The following P3H2 variants were observed in gnomAD, a reference collection of about 807,000 sequenced individuals.
P3H2 encodes the protein leprecan-like 1.
P3H2 carries 80 observed loss-of-function variants against 87.0 expected under a neutral mutation model. That is an observed-to-expected ratio of 0.92 (90% CI 0.77 to 1.11). The LOEUF (loss-of-function observed/expected upper bound fraction) is 1.11, where lower values mean the gene tolerates loss of function less well. Among genes scored for constraint, P3H2 ranks in the 50% least tolerant of loss-of-function variants. The probability of loss-of-function intolerance (pLI) is 0.00; values close to 1 mark genes in which losing one functional copy is unlikely to be tolerated. For synonymous variants in P3H2, 367 were observed against 359.3 expected (o/e 1.02, Z -0.24); for missense variants, 1,001 against 923.9 (o/e 1.08, Z -1.08).
At chr3:189,963,646 G>A (rs138581600) in intron 14 of P3H2, 3 of 317,476 alleles carry the variant, frequency 9.4e-6, no homozygotes, top group Non-Finnish European at 1.8e-5. Flanking sequence ...GTTTCAGCAT[G>A]TTGATCAGGC....
intron 1 of P3H2, among the ~76,000 whole-genome samples, chr3:190,046,366 C>G (rs1234939131): frequency 6.6e-6 from 1 of 152,152 alleles, no homozygotes; most frequent in Non-Finnish European, 1.5e-5. Flanking sequence ...GACATAATCC[C>G]TTTATTTCTG....
chr3:190,106,333 C>A (rs1331449684), intron 1 of P3H2, among the ~76,000 whole-genome samples: 1 of 152,108 alleles, frequency 6.6e-6, no homozygotes. Context: ...GCAGGTAAGT[C>A]TGTGCTACAG....
chr3:189,969,528 G>C (rs1281084591), intron 13 of P3H2: 2 of 1,207,440 alleles, frequency 1.7e-6, no homozygotes, highest in Non-Finnish European at 2.5e-6. Context: ...TCAATGAACT[G>C]ATCAATAATG....
intron 1 of P3H2, among the ~76,000 whole-genome samples, chr3:190,058,721 T>C (rs1160480436): frequency 6.6e-6 from 1 of 152,166 alleles, no homozygotes; most frequent in Non-Finnish European, 1.5e-5. Context: ...AAATTCAACC[T>C]TCATTTCAGC....
chr3:190,054,565 C>T (rs1464964928), intron 1 of P3H2, among the ~76,000 whole-genome samples: 1 of 152,054 alleles, frequency 6.6e-6, no homozygotes, highest in Non-Finnish European at 1.5e-5. Flanking sequence ...TTGATTGGAC[C>T]TCTACAGAGA....
chr3:190,052,006 A>G (rs1291920892), intron 1 of P3H2, among the ~76,000 whole-genome samples: 3 of 152,226 alleles, frequency 2.0e-5, no homozygotes, highest in South Asian at 2.1e-4. Context: ...AGGAAACACA[A>G]TATCTTTCCT....
At chr3:190,106,627 C>T (rs922717701) in intron 1 of P3H2, among the ~76,000 whole-genome samples, 8 of 152,026 alleles carry the variant, frequency 5.3e-5, no homozygotes, top group East Asian at 1.9e-4. Flanking sequence ...TTCTGATTCA[C>T]GTAGACAAGT....
chr3:190,081,433 G>A (rs1340329168), intron 1 of P3H2, among the ~76,000 whole-genome samples: 1 of 152,160 alleles, frequency 6.6e-6, no homozygotes, highest in Admixed American at 6.5e-5. Context: ...TGAATTGTAT[G>A]TATGTAGTGT....
At chr3:189,999,172 G>A (rs1433025930) in intron 1 of P3H2, among the ~76,000 whole-genome samples, 1 of 152,152 alleles carries the variant, frequency 6.6e-6, no homozygotes, top group East Asian at 1.9e-4. Flanking sequence ...ATGTGATTCC[G>A]TAGCTCTTGA....
chr3:190,045,513 GAA>G (rs1299459156), intron 1 of P3H2, among the ~76,000 whole-genome samples: 3 of 152,096 alleles, frequency 2.0e-5, no homozygotes, highest in Non-Finnish European at 4.4e-5. Flanking sequence ...AAGTATGACA[GAA>G]AGAGAGAGAG....
chr3:190,057,071 G>A (rs760783268), intron 1 of P3H2, among the ~76,000 whole-genome samples: 4 of 152,196 alleles, frequency 2.6e-5, no homozygotes, highest in South Asian at 4.1e-4. Context: ...GGGAACTGGA[G>A]CAGAAGGAGA....
At chr3:190,074,238 G>A (rs1726795492) in intron 1 of P3H2, among the ~76,000 whole-genome samples, 4 of 152,086 alleles carry the variant, frequency 2.6e-5, no homozygotes, top group Admixed American at 2.6e-4. Context: ...GGCCAGGTGC[G>A]GTGGCTCATG....
At chr3:190,113,782 C>T (rs1712162072) in intron 1 of P3H2, among the ~76,000 whole-genome samples, 1 of 152,130 alleles carries the variant, frequency 6.6e-6, no homozygotes, top group Non-Finnish European at 1.5e-5. Context: ...TTATTAATTT[C>T]CATTGTTAAA....
At chr3:190,079,341 A>AAAAT (rs200007107) in intron 1 of P3H2, among the ~76,000 whole-genome samples, 26,327 of 141,838 alleles carry the variant, frequency 0.19, 2,576 homozygotes, top group Middle Eastern at 0.36. Flanking sequence ...TCTGTCTCAA[A>AAAAT]AAATAAATAA....
intron 1 of P3H2, among the ~76,000 whole-genome samples, chr3:190,034,124 A>G (rs1422820555): frequency 4.6e-5 from 7 of 152,252 alleles, no homozygotes. Context: ...AAGACTCAAC[A>G]TGATATAAAG....
rs762551000 is a variant in P3H2, at chr3:189,987,612, T to A, written c.1013A>T (p.Asp338Val). The A allele has an allele frequency of 1.5e-5, 25 of 1,614,060 alleles. No individual in the cohort carries two copies. Among genetic ancestry groups the A allele is most frequent in the Non-Finnish European group, 2.1e-5 (25 of 1,179,974 alleles). Residue 338 changes from aspartate (D) to valine (V), a missense_variant, in exon 5 of 15, where the codon GAT (aspartate) becomes GTT (valine). By Grantham distance (152) the Asp-to-Val change is radical. Coordinates refer to ENST00000319332, the MANE Select transcript of P3H2 (RefSeq NM_018192.4). ...CAKAYLLCHP[D>V]DEDVLDNVDY... ...CACATTGTCTAGGACATCCTCATCATCTGGATGGCATAGAAGATAGGCTTT... is the reference window on the plus strand; with the variant it reads ...CACATTGTCTAGGACATCCTCATCAACTGGATGGCATAGAAGATAGGCTTT...
In P3H2 at chr3:190,115,890, A is replaced by G. The variant is rs551088227; in HGVS notation, c.480+4362T>C. On this transcript the variant is annotated intron_variant, in intron 1 of 14. Transcript: ENST00000319332. ...GTTGTGAATCACCCAACTCAGACCTACTGAGCCTGTATCTGTAATTTTGAA... is the reference window on the plus strand; with the variant it reads ...GTTGTGAATCACCCAACTCAGACCTGCTGAGCCTGTATCTGTAATTTTGAA... 3.9e-5 allele frequency among the ~76,000 whole-genome samples: 6 copies of G among 152,322 alleles called. No homozygotes were observed. In the East Asian group the frequency reaches 1.2e-3, roughly 29 times the overall value.
intron 12 of P3H2, chr3:189,971,677 G>T: frequency 1.8e-6 from 1 of 546,134 alleles, no homozygotes; most frequent in Non-Finnish European, 3.3e-6. Context: ...TGGACATTTT[G>T]TGAAATGGGA....
At chr3:190,076,328 A>G (rs1726877188) in intron 1 of P3H2, among the ~76,000 whole-genome samples, 1 of 152,158 alleles carries the variant, frequency 6.6e-6, no homozygotes, top group African/African-American at 2.4e-5. Context: ...AAAAAAGAGA[A>G]TGTGTTTGAC....
Sources: gnomAD v4.1 joint callset for allele counts (sites outside exome capture counted in the v4.1 genomes callset) on GRCh38, gnomAD v4.1.1 for gene constraint, MANE v1.5 for transcripts, NCBI Gene and HGNC (gene_info 2026-07-23, HGNC 2026-07-21) for gene names.